The following CLVS1 variants were observed in gnomAD, a reference collection of about 807,000 sequenced individuals.
CLVS1 encodes clavesin 1, also known as clavesin-1.
In CLVS1, 10 loss-of-function variants were observed where a neutral mutation model predicts 33.1. That is an observed-to-expected ratio of 0.30 (90% confidence interval 0.19 to 0.51). The LOEUF is 0.51. Ranked by LOEUF, CLVS1 falls within the 20% of genes least tolerant of loss-of-function variation. The pLI is 0.97. For synonymous variants in CLVS1, 163 were observed against 166.1 expected (o/e 0.98, Z 0.14); for missense variants, 343 against 433.4 (o/e 0.79, Z 1.85).
At chr8:61,422,005 A>C (rs1815692968) in intron 3 of CLVS1, among the ~76,000 whole-genome samples, 1 of 152,036 alleles carries the variant, frequency 6.6e-6, no homozygotes, top group East Asian at 1.9e-4. Context: ...GAAACTGTTC[A>C]AATAATCAAA....
intron 3 of CLVS1, among the ~76,000 whole-genome samples, chr8:61,389,288 C>A (rs1008742268): frequency 6.6e-6 from 1 of 152,108 alleles, no homozygotes; most frequent in African/African-American, 2.4e-5. Flanking sequence ...ACCTGTAATC[C>A]CAGCCCTTTG....
chr8:61,150,650 T>C (rs948575190), intron 2 of CLVS1, among the ~76,000 whole-genome samples: 4 of 152,168 alleles, frequency 2.6e-5, no homozygotes, highest in African/African-American at 9.7e-5. Flanking sequence ...CAGCAGTAGC[T>C]GTGTCAAGGA....
intron 1 of CLVS1, among the ~76,000 whole-genome samples, chr8:61,295,579 T>C (rs140892022): frequency 2.6e-5 from 4 of 152,246 alleles, no homozygotes; most frequent in Admixed American, 6.5e-5. Context: ...TTGAAAGGAA[T>C]TTTAGGGAAC....
At chr8:61,305,525 A>G (rs527474627) in intron 2 of CLVS1, among the ~76,000 whole-genome samples, 1 of 152,216 alleles carries the variant, frequency 6.6e-6, no homozygotes, top group African/African-American at 2.4e-5. Flanking sequence ...TTATGGCTGA[A>G]TAATATTTTG....
intron 1 of CLVS1, among the ~76,000 whole-genome samples, chr8:61,082,699 A>C (rs1297157978): frequency 6.6e-6 from 1 of 152,206 alleles, no homozygotes; most frequent in East Asian, 1.9e-4. Context: ...AAAGTATTGA[A>C]AGAAAGGACA....
the CLVS1 span, chr8:60,964,932 G>A: frequency 6.6e-6 from 1 of 152,142 alleles, no homozygotes; most frequent in East Asian, 1.9e-4. Context: ...GGAACCATAT[G>A]GACCTGCCTT....
At chr8:61,102,797 A>T (rs1200724714) in intron 1 of CLVS1, among the ~76,000 whole-genome samples, 1 of 152,238 alleles carries the variant, frequency 6.6e-6, no homozygotes, top group African/African-American at 2.4e-5. Flanking sequence ...GAAAAGAAAG[A>T]GAAGTGAGAG....
intron 2 of CLVS1, among the ~76,000 whole-genome samples, chr8:61,212,417 G>A (rs1168419065): frequency 2.0e-5 from 3 of 152,150 alleles, no homozygotes; most frequent in Non-Finnish European, 4.4e-5. Flanking sequence ...CAGATGCAGC[G>A]GGGGCTGGAC....
At chr8:61,308,130 G>C (rs999953172) in intron 2 of CLVS1, among the ~76,000 whole-genome samples, 2 of 152,188 alleles carry the variant, frequency 1.3e-5, no homozygotes, top group African/African-American at 4.8e-5. Flanking sequence ...CACATATATA[G>C]ACTCTTCAGC....
chr8:61,472,760 C>T (rs1456156491), intron 5 of CLVS1, among the ~76,000 whole-genome samples: 2 of 151,956 alleles, frequency 1.3e-5, no homozygotes, highest in Non-Finnish European at 2.9e-5. Flanking sequence ...AGATTTTATG[C>T]GTTCAAATTA....
the CLVS1 span, among the ~76,000 whole-genome samples, chr8:61,036,492 G>A: frequency 1.3e-5 from 2 of 152,206 alleles, no homozygotes; most frequent in Non-Finnish European, 2.9e-5. Context: ...GTATTAAAAG[G>A]TGTGCATTAA....
chr8:61,355,911 A>G (rs1408009915), intron 2 of CLVS1, among the ~76,000 whole-genome samples: 1 of 152,164 alleles, frequency 6.6e-6, no homozygotes, highest in Non-Finnish European at 1.5e-5. Flanking sequence ...TGATTTATAG[A>G]CCTTTGGGTG....
the CLVS1 span, among the ~76,000 whole-genome samples, chr8:61,028,381 T>C: frequency 6.6e-6 from 1 of 152,242 alleles, no homozygotes; most frequent in African/African-American, 2.4e-5. Flanking sequence ...GTAATTCTTA[T>C]GAAAGTACTG....
chr8:61,304,933 G>T (rs1810569131), intron 2 of CLVS1, among the ~76,000 whole-genome samples: 1 of 152,126 alleles, frequency 6.6e-6, no homozygotes, highest in South Asian at 2.1e-4. Context: ...GCCCTTTTTG[G>T]TGGTGTCCAA....
chr8:60,968,608 G>A, the CLVS1 span, among the ~76,000 whole-genome samples: 1 of 151,986 alleles, frequency 6.6e-6, no homozygotes, highest in Non-Finnish European at 1.5e-5. Flanking sequence ...GGAAAACTGG[G>A]GCTGGTATGG....
chr8:61,122,207 G>A (rs1031123401), intron 1 of CLVS1, among the ~76,000 whole-genome samples: 1 of 152,188 alleles, frequency 6.6e-6, no homozygotes, highest in Admixed American at 6.6e-5. Context: ...TAAGTACAGA[G>A]CAAGATAAGA....
Position 61,095,837 on chromosome 8 carries a change from A to G in CLVS1, c.-242-35933A>G, listed in dbSNP as rs2129285453. Among the ~76,000 whole-genome samples the G allele has an allele frequency of 1.3e-5, 2 of 152,318 alleles. 1 individual carries two copies. Among genetic ancestry groups the G allele is most frequent in the South Asian group, 4.1e-4 (2 of 4,822 alleles). The stretch of plus-strand genomic sequence containing the variant: ...TTTTTATGTAGTTCATGAAAAAGCA[A>G]CATCAGCCCAGTTTCCTGATTTCAG... On this transcript the variant is annotated intron_variant, in intron 1 of 2. Coordinates refer to the CLVS1 transcript ENST00000522621.
At chr8:60,971,137 C>T in the CLVS1 span, among the ~76,000 whole-genome samples, 1 of 135,732 alleles carries the variant, frequency 7.4e-6, no homozygotes, top group Non-Finnish European at 1.5e-5. Context: ...GTGCAGGTGG[C>T]ACAATCACAG....
chr8:61,363,748 T>G (rs1813079225), intron 2 of CLVS1, among the ~76,000 whole-genome samples: 1 of 152,186 alleles, frequency 6.6e-6, no homozygotes. Flanking sequence ...TGTTTCTGAT[T>G]CTTAGAATTA....
Sources: gnomAD v4.1 joint callset for allele counts (sites outside exome capture counted in the v4.1 genomes callset) on GRCh38, gnomAD v4.1.1 for gene constraint, MANE v1.5 for transcripts, NCBI Gene and HGNC (gene_info 2026-07-23, HGNC 2026-07-21) for gene names.